KCNB2: variants seen among roughly 807,000 people sequenced by gnomAD.
KCNB2 encodes potassium voltage-gated channel subfamily B member 2, also known as delayed rectifier potassium channel protein.
A neutral mutation model predicts 61.5 loss-of-function variants in KCNB2; 15 were observed. The ratio of observed to expected loss-of-function variants is 0.24; its 90% confidence interval spans 0.16 to 0.38. The LOEUF is 0.38. KCNB2 is among the 10% of genes least tolerant of loss of function. The pLI is 1.00. For synonymous variants in KCNB2, 457 were observed against 446.0 expected, an observed-to-expected ratio of 1.02 and a Z score of -0.31; for missense variants, 828 against 1,125.2, an observed-to-expected ratio of 0.74 and a Z score of 3.78.
intron 2 of KCNB2, among the ~76,000 whole-genome samples, chr8:72,919,892 T>C (rs1806474958): frequency 6.6e-6 from 1 of 152,198 alleles, no homozygotes; most frequent in Admixed American, 6.5e-5. Flanking sequence ...GAAGACTATT[T>C]GTTGAATATA....
At chr8:72,570,474 C>T (rs909569381) in intron 2 of KCNB2, among the ~76,000 whole-genome samples, 1 of 151,862 alleles carries the variant, frequency 6.6e-6, no homozygotes, top group East Asian at 1.9e-4. Flanking sequence ...AATTATTGTT[C>T]ATTTGTCTGA....
intron 2 of KCNB2, among the ~76,000 whole-genome samples, chr8:72,644,869 A>G (rs1806106518): frequency 6.6e-6 from 1 of 152,092 alleles, no homozygotes; most frequent in South Asian, 2.1e-4. Context: ...GACCAAACGA[A>G]ATGAAAGTGA....
intron 1 of KCNB2, among the ~76,000 whole-genome samples, chr8:72,562,739 T>C (rs1361548536): frequency 1.3e-5 from 2 of 152,194 alleles, no homozygotes; most frequent in African/African-American, 4.8e-5. Flanking sequence ...TATATTATAC[T>C]TATATACAGA....
chr8:72,638,428 T>C (rs1585799922), intron 2 of KCNB2, among the ~76,000 whole-genome samples: 1 of 152,144 alleles, frequency 6.6e-6, no homozygotes, highest in South Asian at 2.1e-4. Flanking sequence ...GCTTCCTAAG[T>C]GTTGCTGATT....
chr8:72,737,608 T>G (rs185170416), intron 2 of KCNB2, among the ~76,000 whole-genome samples: 4 of 152,190 alleles, frequency 2.6e-5, no homozygotes, highest in Admixed American at 6.6e-5. Context: ...ACATCATGAT[T>G]GAGGTATTGA....
chr8:72,815,650 CA>C (rs1809385230), intron 2 of KCNB2, among the ~76,000 whole-genome samples: 1 of 152,134 alleles, frequency 6.6e-6, no homozygotes, highest in Non-Finnish European at 1.5e-5. Context: ...GACTAACTCC[CA>C]AATCTCATCT....
chr8:72,693,460 T>C lies in KCNB2; in HGVS notation c.579+125147T>C, dbSNP rs187647776. On this transcript the variant is annotated intron_variant, in intron 2 of 2. Transcript: ENST00000523207. ...CTCAGGGGCTTGAGAGACTGTGCCA[T>C]ACAGGGAGCATAAATCCTATTGTCT... 2.1e-3 allele frequency among the ~76,000 whole-genome samples: 320 copies of C among 152,246 alleles called. 3 individuals carry two copies. The highest frequency in any genetic ancestry group is 7.2e-3 in the African/African-American group (301 of 41,546).
At chr8:72,708,849 A>G (rs1807277178) in intron 2 of KCNB2, among the ~76,000 whole-genome samples, 2 of 152,322 alleles carry the variant, frequency 1.3e-5, no homozygotes, top group Admixed American at 6.5e-5. Flanking sequence ...TTAAAGAATG[A>G]GAATCTGGCA....
intron 2 of KCNB2, among the ~76,000 whole-genome samples, chr8:72,756,902 A>C (rs1039310935): frequency 6.6e-6 from 1 of 152,194 alleles, no homozygotes; most frequent in Non-Finnish European, 1.5e-5. Flanking sequence ...GAAGGCAGGA[A>C]GATGAGGAAA....
chr8:72,741,284 AC>A (rs1050606645), intron 2 of KCNB2, among the ~76,000 whole-genome samples: 3 of 152,090 alleles, frequency 2.0e-5, no homozygotes, highest in Non-Finnish European at 2.9e-5. Flanking sequence ...TAGGAGCCTT[AC>A]CTTTGAAAAT....
At chr8:72,781,456 A>G (rs1170660800) in intron 2 of KCNB2, among the ~76,000 whole-genome samples, 1 of 152,182 alleles carries the variant, frequency 6.6e-6, no homozygotes. Flanking sequence ...TCCCAGCACC[A>G]TTTATTAAAT....
intron 2 of KCNB2, among the ~76,000 whole-genome samples, chr8:72,873,489 CT>C (rs1178083893): frequency 6.6e-6 from 1 of 152,218 alleles, no homozygotes; most frequent in Admixed American, 6.5e-5. Context: ...AGCAGTGTTC[CT>C]TACCCCACTG....
At chr8:72,586,975 C>T (rs1333150464) in intron 2 of KCNB2, among the ~76,000 whole-genome samples, 1 of 152,072 alleles carries the variant, frequency 6.6e-6, no homozygotes, top group Non-Finnish European at 1.5e-5. Context: ...TGGTGTTGGC[C>T]TCTTTTAATT....
At chr8:72,907,578 A>G (rs1368408367) in intron 2 of KCNB2, among the ~76,000 whole-genome samples, 2 of 152,170 alleles carry the variant, frequency 1.3e-5, no homozygotes, top group Non-Finnish European at 2.9e-5. Flanking sequence ...ATGCAACCTA[A>G]AAGGAGAATT....
intron 2 of KCNB2, chr8:72,661,509 C>G (rs568547398): frequency 1.3e-5 from 2 of 152,296 alleles, no homozygotes; most frequent in South Asian, 4.1e-4. Flanking sequence ...CCTCATTTGA[C>G]GTAGTCATTT....
chr8:72,588,658 C>T (rs974995165), intron 2 of KCNB2, among the ~76,000 whole-genome samples: 10 of 151,666 alleles, frequency 6.6e-5, no homozygotes, highest in Non-Finnish European at 1.2e-4. Context: ...CTTTGAGAGG[C>T]GAAGGCAGGA....
chr8:72,882,965 T>C (rs770511524), intron 2 of KCNB2, among the ~76,000 whole-genome samples: 1 of 152,220 alleles, frequency 6.6e-6, no homozygotes, highest in Non-Finnish European at 1.5e-5. Flanking sequence ...TCCCTCTTTA[T>C]CTGCCTTCTC....
chr8:72,649,847 A>G (rs1474387549), intron 2 of KCNB2, among the ~76,000 whole-genome samples: 1 of 152,158 alleles, frequency 6.6e-6, no homozygotes, highest in Non-Finnish European at 1.5e-5. Context: ...ACCACCTGGA[A>G]TGACTCCAAC....
chr8:72,910,435 G>A (rs866862551), intron 2 of KCNB2, among the ~76,000 whole-genome samples: 2 of 152,224 alleles, frequency 1.3e-5, no homozygotes, highest in Middle Eastern at 3.4e-3. Context: ...ATGGTGATAA[G>A]AGTGTAGAAA....
Sources: gnomAD v4.1 joint callset for allele counts (sites outside exome capture counted in the v4.1 genomes callset) on GRCh38, gnomAD v4.1.1 for gene constraint, MANE v1.5 for transcripts, NCBI Gene and HGNC (gene_info 2026-07-23, HGNC 2026-07-21) for gene names.